Variants in PCDH11X observed in about 807,000 individuals in gnomAD.
The protein encoded by PCDH11X is protocadherin 11 X-linked, also known as protocadherin-11 X-linked.
In PCDH11X, 18 loss-of-function variants were observed where a neutral mutation model predicts 53.3. The observed-to-expected ratio is 0.34, with a 90% CI of 0.23 to 0.50. The LOEUF (loss-of-function observed/expected upper bound fraction) is 0.50. Among genes scored for constraint, PCDH11X ranks in the 20% least tolerant of loss-of-function variants. PCDH11X has a pLI of 0.98. For synonymous variants in PCDH11X, 279 were observed against 393.3 expected (o/e 0.71, Z 3.44); for missense variants, 570 against 1,032.4 (o/e 0.55, Z 6.14).
chrX:92,575,463 G>T (rs958250926), intron 10 of PCDH11X, among the ~76,000 whole-genome samples: 28 of 108,745 alleles, frequency 2.6e-4, no homozygotes, highest in Non-Finnish European at 5.2e-4. Context: ...AAGGTGATGT[G>T]CAAAAATAGA....
chrX:91,840,700 A>G (rs1223846329), intron 5 of PCDH11X, among the ~76,000 whole-genome samples: 1 of 110,902 alleles, frequency 9.0e-6, no homozygotes, highest in Non-Finnish European at 1.9e-5. Flanking sequence ...CATTGTGAAG[A>G]CAAAGAGCAA....
At chrX:92,158,903 G>A (rs749853094) in intron 6 of PCDH11X, among the ~76,000 whole-genome samples, 1 of 111,728 alleles carries the variant, frequency 9.0e-6, no homozygotes, top group African/African-American at 3.2e-5. Context: ...CAAAGTGCTG[G>A]GATTACAGGC....
chrX:92,059,181 A>G (rs1433270629), intron 6 of PCDH11X, among the ~76,000 whole-genome samples: 9 of 108,002 alleles, frequency 8.3e-5, no homozygotes, highest in African/African-American at 2.0e-4. Flanking sequence ...AAAAAGTTCC[A>G]GTTAATATAT....
chrX:92,475,090 G>A (rs1425033043), intron 10 of PCDH11X, among the ~76,000 whole-genome samples: 7 of 98,874 alleles, frequency 7.1e-5, no homozygotes, highest in South Asian at 5.1e-4. Flanking sequence ...GCGTGAACCC[G>A]GGAGGCGGAG....
chrX:92,016,511 T>A (rs1490604762), intron 6 of PCDH11X, among the ~76,000 whole-genome samples: 2 of 111,298 alleles, frequency 1.8e-5, no homozygotes, highest in Non-Finnish European at 3.8e-5. Context: ...GCAGCTTCTT[T>A]ATAAGCACCT....
rs778948518 is a variant in PCDH11X at position 92,505,868 on chromosome X, G to A, written c.3367+37546G>A. On this transcript the variant is annotated intron_variant, in intron 10 of 10. Transcript: ENST00000682573. The stretch of plus-strand genomic sequence containing the variant: ...AGTGTTTCATAACTCTTGTTTTGGC[G>A]ATCTTTCACCTCTCTGGTTACCTGT... 8.1e-5 allele frequency among the ~76,000 whole-genome samples: 9 copies of A among 111,249 alleles called. No individual in the cohort carries two copies. In the East Asian group the frequency reaches 1.1e-3, roughly 14 times the overall value.
rs1939644966 is a variant in PCDH11X at position 91,876,897 on chromosome X, A to C, written c.657A>C (p.Val219=). The change falls in exon 6 of 11, where the codon GTA becomes GTC. Residue 219 remains valine (V), a synonymous_variant. Coordinates refer to ENST00000682573, the MANE Select transcript of PCDH11X (RefSeq NM_032968.5). ...AGAAGGATACCTACGTGATGAAAGT[A>C]AAGGTTGAAGATGGTGGCTTTCCTC... is the stretch of plus-strand genomic sequence containing the variant. The part of the protein sequence containing the change: ...REEKDTYVMK[V]KVEDGGFPQR... 8.3e-7 allele frequency: 1 copy of C among 1,208,853 alleles called. No homozygotes were observed. The highest frequency in any genetic ancestry group is 1.1e-6 in the Non-Finnish European group (1 of 894,977).
intron 10 of PCDH11X, among the ~76,000 whole-genome samples, chrX:92,557,524 A>C (rs1281170422): frequency 9.0e-6 from 1 of 111,194 alleles, no homozygotes; most frequent in African/African-American, 3.3e-5. Context: ...ATTTGAAACC[A>C]CCTCAGCTTG....
At chrX:91,822,650 G>T (rs1271379669) in intron 4 of PCDH11X, among the ~76,000 whole-genome samples, 62 of 94,949 alleles carry the variant, frequency 6.5e-4, no homozygotes, top group Non-Finnish European at 1.1e-3. Context: ...ATTTTTTGAA[G>T]GGTTTTTTGT....
intron 4 of PCDH11X, among the ~76,000 whole-genome samples, chrX:91,820,612 T>C (rs1192995575): frequency 2.0e-5 from 2 of 101,734 alleles, no homozygotes; most frequent in African/African-American, 8.4e-5. Context: ...TTTTCTCCCA[T>C]GTTGTAGGTT....
At chrX:91,911,428 C>T (rs189818899) in intron 6 of PCDH11X, among the ~76,000 whole-genome samples, 2,255 of 109,616 alleles carry the variant, frequency 0.021, 23 homozygotes, top group Non-Finnish European at 0.032. Context: ...GGTATGCTCA[C>T]CTCAAGCATA....
At chrX:92,272,169 T>C (rs971261713) in intron 8 of PCDH11X, among the ~76,000 whole-genome samples, 2 of 111,979 alleles carry the variant, frequency 1.8e-5, no homozygotes, top group Non-Finnish European at 3.8e-5. Flanking sequence ...CTAAGAAAGT[T>C]TCTTCTGAAC....
At chrX:92,173,031 GT>G (rs1219018755) in intron 6 of PCDH11X, among the ~76,000 whole-genome samples, 1 of 111,770 alleles carries the variant, frequency 8.9e-6, no homozygotes, top group Non-Finnish European at 1.9e-5. Flanking sequence ...TTGTTCCATT[GT>G]TTTAATCTTC....
intron 5 of PCDH11X, among the ~76,000 whole-genome samples, chrX:91,843,263 A>ATG (rs3067347): frequency 0.045 from 4,087 of 91,318 alleles, 215 homozygotes; most frequent in African/African-American, 0.14. Context: ...ATACATACTT[A>ATG]TGTGTGTGTG....
chrX:92,095,560 T>C (rs1285724401), intron 6 of PCDH11X, among the ~76,000 whole-genome samples: 62 of 111,361 alleles, frequency 5.6e-4, no homozygotes, highest in Non-Finnish European at 9.6e-4. Flanking sequence ...CCTTTTGATG[T>C]TGTCACCACT....
intron 6 of PCDH11X, among the ~76,000 whole-genome samples, chrX:92,040,655 G>T (rs898768122): frequency 2.0e-4 from 22 of 110,978 alleles, no homozygotes; most frequent in Non-Finnish European, 3.9e-4. Flanking sequence ...TTGCTAACCT[G>T]ATTTTTGACC....
At chrX:92,324,891 A>G (rs1442206915) in intron 8 of PCDH11X, among the ~76,000 whole-genome samples, 2 of 103,367 alleles carry the variant, frequency 1.9e-5, no homozygotes, top group African/African-American at 3.5e-5. Context: ...TATGTACTCA[A>G]TGTTTAGCTT....
intron 4 of PCDH11X, among the ~76,000 whole-genome samples, chrX:91,828,537 G>T (rs1269030641): frequency 1.8e-5 from 2 of 110,110 alleles, no homozygotes; most frequent in African/African-American, 6.6e-5. Context: ...TTGGTTTTGA[G>T]GTGACACAAA....
At chrX:91,971,208 T>C (rs1386487486) in intron 6 of PCDH11X, among the ~76,000 whole-genome samples, 1 of 110,456 alleles carries the variant, frequency 9.1e-6, no homozygotes. Flanking sequence ...GAGCAGAGAA[T>C]TCATTTATGT....
Sources: allele counts gnomAD v4.1 joint callset (sites outside exome capture counted in the v4.1 genomes callset), GRCh38; gene constraint gnomAD v4.1.1; transcripts MANE v1.5; gene names NCBI Gene and HGNC (gene_info 2026-07-23, HGNC 2026-07-21).